Variants in ANK2 observed in about 807,000 individuals in gnomAD.
ANK2 encodes ankyrin-2.
ANK2 carries 83 observed loss-of-function variants against 360.5 expected under a neutral mutation model. That is an observed-to-expected ratio of 0.23 (90% CI 0.19 to 0.28). The LOEUF (loss-of-function observed/expected upper bound fraction) is 0.28, where lower values mean the gene tolerates loss of function less well. ANK2 is among the 10% of genes least tolerant of loss of function. The pLI is 1.00. For synonymous variants in ANK2, 1,740 were observed against 1,759.5 expected, an observed-to-expected ratio of 0.99 and a Z score of 0.28; for missense variants, 4,201 against 4,795.7, an observed-to-expected ratio of 0.88 and a Z score of 3.66.
chr4:113,365,145 A>G lies in ANK2; in HGVS notation c.10995A>G (p.Ala3665=), dbSNP rs1193144055. The change falls in exon 41 of 46, where the codon GCA becomes GCG. Residue 3665 remains alanine (A), a synonymous_variant. Transcript: ENST00000357077. ...PLQERISHSY[A]EIEQTITLDH... The stretch of plus-strand genomic sequence containing the variant: ...AGGAGCGCATCAGTCATAGTTATGC[A>G]GAAATTGAACAGACCATTACACTGG... The G allele has an allele frequency of 6.2e-7, 1 of 1,613,954 alleles. No homozygotes were observed. The highest frequency in any genetic ancestry group is 8.5e-7 in the Non-Finnish European group (1 of 1,179,932).
At chr4:112,721,067 C>T in the ANK2 span, among the ~76,000 whole-genome samples, 1 of 152,256 alleles carries the variant, frequency 6.6e-6, no homozygotes, top group South Asian at 2.1e-4. Context: ...CCCCAAGGTT[C>T]AGAAGCCCAT....
chr4:113,330,502 C>G (rs532712728), intron 27 of ANK2, 32 bp downstream of exon 27: 1 of 1,602,076 alleles, frequency 6.2e-7, no homozygotes, highest in Non-Finnish European at 8.5e-7. Flanking sequence ...CCCACTTAGT[C>G]ATCGATGAGC....
rs764831534 is a variant in ANK2, at chr4:113,355,846, G to C, written c.7228G>C (p.Glu2410Gln). 10 of 1,613,986 alleles carry C rather than the reference G, an allele frequency of 6.2e-6. No homozygotes were observed. Among genetic ancestry groups the C allele is most frequent in the Middle Eastern group, 3.3e-4 (2 of 6,080 alleles). ...QGVIRSPQGL[E>Q]LALPSRDSEV... The stretch of plus-strand genomic sequence containing the variant: ...AGTCATTAGAAGTCCCCAAGGGTTA[G>C]AACTTGCACTCCCTAGCCGAGATAG... The change falls in exon 38 of 46, where the codon GAA (glutamate) becomes CAA (glutamine). Residue 2410 changes from glutamate (E) to glutamine (Q), a missense_variant. Around this residue, in one of 4 missense-constraint regions of ANK2, gnomAD observed 2,642 missense variants for 2,714.5 expected, o/e 0.97. Coordinates refer to ENST00000357077, the MANE Select transcript of ANK2 (RefSeq NM_001148.6).
intron 1 of ANK2, among the ~76,000 whole-genome samples, chr4:113,062,321 C>T (rs963673415): frequency 3.9e-5 from 6 of 152,004 alleles, no homozygotes; most frequent in Admixed American, 1.3e-4. Flanking sequence ...GTATCATGTA[C>T]ATTTCAGTTT....
At chr4:112,735,111 G>A in the ANK2 span, among the ~76,000 whole-genome samples, 1 of 152,190 alleles carries the variant, frequency 6.6e-6, no homozygotes, top group African/African-American at 2.4e-5. Context: ...CTGGCCAAGT[G>A]AGGTGGCTCA....
chr4:113,102,940 C>T (rs1374802354), intron 1 of ANK2, among the ~76,000 whole-genome samples: 1 of 152,016 alleles, frequency 6.6e-6, no homozygotes, highest in Non-Finnish European at 1.5e-5. Context: ...AAAAGTGTAA[C>T]ACAGGGAGGA....
At chr4:112,930,815 G>A (rs1475042562) in intron 2 of ANK2, among the ~76,000 whole-genome samples, 3 of 151,660 alleles carry the variant, frequency 2.0e-5, no homozygotes, top group Admixed American at 2.0e-4. Context: ...TTGAACCCAG[G>A]AGGCGGAGGT....
chr4:112,756,589 A>G, the ANK2 span, among the ~76,000 whole-genome samples: 1 of 152,218 alleles, frequency 6.6e-6, no homozygotes, highest in African/African-American at 2.4e-5. Flanking sequence ...GGTTATGTAC[A>G]TAGGGAGTTA....
chr4:112,755,468 T>G, the ANK2 span, among the ~76,000 whole-genome samples: 1 of 152,188 alleles, frequency 6.6e-6, no homozygotes, highest in Non-Finnish European at 1.5e-5. Context: ...GGTGGGATTA[T>G]CATTAGTTCT....
chr4:113,028,827 C>T (rs2059800880), intron 2 of ANK2, among the ~76,000 whole-genome samples: 1 of 152,152 alleles, frequency 6.6e-6, no homozygotes. Context: ...GATTCACTAA[C>T]TCCCGGGTTG....
At chr4:112,929,723 C>G (rs1316974475) in intron 2 of ANK2, among the ~76,000 whole-genome samples, 2 of 152,294 alleles carry the variant, frequency 1.3e-5, no homozygotes, top group African/African-American at 4.8e-5. Context: ...CATCCAGAGT[C>G]AGGCGCCTCC....
At chr4:113,258,664 A>T (rs1255059841) in intron 13 of ANK2, among the ~76,000 whole-genome samples, 1 of 152,234 alleles carries the variant, frequency 6.6e-6, no homozygotes, top group Non-Finnish European at 1.5e-5. Flanking sequence ...GTGTAGGTGG[A>T]TTGAACATGC....
chr4:112,829,007 A>G (rs1319541680), intron 1 of ANK2, among the ~76,000 whole-genome samples: 1 of 152,144 alleles, frequency 6.6e-6, no homozygotes, highest in Non-Finnish European at 1.5e-5. Flanking sequence ...CAAAACAAAA[A>G]TTAGCCGGGC....
At chr4:112,796,984 C>A in the ANK2 span, 39,263 of 157,878 alleles carry the variant, frequency 0.25, 5,358 homozygotes, top group East Asian at 0.53. Context: ...TGAAAATATA[C>A]CCTCAGGTTA....
intron 2 of ANK2, among the ~76,000 whole-genome samples, chr4:112,947,337 G>A (rs1202468469): frequency 6.6e-6 from 1 of 152,058 alleles, no homozygotes; most frequent in Non-Finnish European, 1.5e-5. Context: ...TTTGTTCTGA[G>A]TTATGCTACA....
At chr4:113,052,940 T>C (rs1186879763) in intron 1 of ANK2, among the ~76,000 whole-genome samples, 2 of 152,192 alleles carry the variant, frequency 1.3e-5, no homozygotes, top group African/African-American at 4.8e-5. Context: ...AAGTCTTATC[T>C]ACAGGAGAAC....
At chr4:112,829,694 A>G (rs749972941) in intron 1 of ANK2, among the ~76,000 whole-genome samples, 15 of 150,902 alleles carry the variant, frequency 9.9e-5, no homozygotes, top group Non-Finnish European at 1.9e-4. Context: ...GGTGACTCAC[A>G]CCTGTAATCC....
chr4:113,319,306 ATTCT>A (rs1317099161), intron 26 of ANK2, among the ~76,000 whole-genome samples: 2 of 151,960 alleles, frequency 1.3e-5, no homozygotes, highest in African/African-American at 4.8e-5. Flanking sequence ...TGGAATATAA[ATTCT>A]TTAAGGAGTT....
At chr4:112,911,440 G>A (rs1408552889) in intron 2 of ANK2, among the ~76,000 whole-genome samples, 1 of 151,816 alleles carries the variant, frequency 6.6e-6, no homozygotes, top group Non-Finnish European at 1.5e-5. Context: ...GGAGAATGGC[G>A]TGAACCTGGG....
Sources: gnomAD v4.1 joint callset for allele counts (sites outside exome capture counted in the v4.1 genomes callset) on GRCh38, gnomAD v4.1.1 for gene constraint, gnomAD v4.1.1 regional missense constraint, MANE v1.5 for transcripts, NCBI Gene and HGNC (gene_info 2026-07-23, HGNC 2026-07-21) for gene names.